Variants in MICB observed in about 807,000 individuals in gnomAD.
MICB encodes MHC class I antigen-related protein B.
MICB carries 27 observed loss-of-function variants against 34.3 expected under a neutral mutation model. The observed-to-expected ratio is 0.79, with a 90% CI of 0.58 to 1.08. The LOEUF (loss-of-function observed/expected upper bound fraction) is 1.08. Among genes scored for constraint, MICB ranks in the 50% least tolerant of loss-of-function variants. MICB has a pLI of 0.00. For synonymous variants in MICB, 153 were observed against 187.4 expected (o/e 0.82, Z 1.50); for missense variants, 426 against 483.1 (o/e 0.88, Z 1.11).
chr6:31,497,494 G>C (rs943641085), upstream of MICB, among the ~76,000 whole-genome samples: 8 of 152,100 alleles, frequency 5.3e-5, no homozygotes, highest in Non-Finnish European at 8.8e-5. Context: ...CAGACACTTA[G>C]AGGATATAAG....
intron 1 of MICB, among the ~76,000 whole-genome samples, chr6:31,503,704 G>A (rs750546995): frequency 2.6e-5 from 4 of 152,084 alleles, no homozygotes; most frequent in Non-Finnish European, 5.9e-5. Context: ...TCAGACAATG[G>A]ACACTTGGGT....
chr6:31,505,513 T>A (rs2150289074), intron 1 of MICB, 104 bp from the exon 2 acceptor site: 1 of 1,518,570 alleles, frequency 6.6e-7, no homozygotes, highest in Middle Eastern at 2.5e-4. Context: ...CCCATGCGCA[T>A]TTCCTGCCTC....
rs567810567 is a variant in MICB at position 31,509,674 on chromosome 6, AG to A, written c.1025-107del. On this transcript the variant is annotated intron_variant, in intron 5 of 5. Coordinates refer to ENST00000252229, the MANE Select transcript of MICB (RefSeq NM_005931.5). Reference sequence around the variant, plus strand: ...AAAAGTGGGGGCCTCATCTTCTCTCAGAGAAAGGGCGAATCTGATTTTGGGG... The same window carrying A: ...AAAAGTGGGGGCCTCATCTTCTCTCAAGAAAGGGCGAATCTGATTTTGGGG... 103 of 1,381,830 alleles carry A rather than the reference AG, an allele frequency of 7.5e-5. 1 individual carries two copies. In the African/African-American group the frequency reaches 8.4e-4, roughly 11 times the overall value. 85.6% of individuals were successfully genotyped at this position (1,381,830 alleles called of 1,614,324 possible). A position where few individuals can be genotyped will look rare whatever the true frequency, so the allele number is the denominator to read the frequency against.
upstream of MICB, chr6:31,494,972 TG>T: frequency 6.5e-6 from 1 of 154,384 alleles, no homozygotes; most frequent in Non-Finnish European, 1.4e-5. Context: ...GTCGCCTCTG[TG>T]CTCGTGAGTC....
chr6:31,497,631 G>A (rs1389619502), upstream of MICB, among the ~76,000 whole-genome samples: 1 of 152,204 alleles, frequency 6.6e-6, no homozygotes, highest in Admixed American at 6.5e-5. Flanking sequence ...GGCAGAGGCG[G>A]CTGAGATCTG....
chr6:31,498,706 A>G (rs1210586562), intron 1 of MICB: 2 of 154,572 alleles, frequency 1.3e-5, no homozygotes, highest in Admixed American at 1.3e-4. Context: ...TGACCTCGTG[A>G]TCCGCCCGCC....
intron 5 of MICB, among the ~76,000 whole-genome samples, chr6:31,508,197 A>C (rs1765461838): frequency 6.6e-6 from 1 of 152,136 alleles, no homozygotes; most frequent in Admixed American, 6.5e-5. Flanking sequence ...TGAGGGACAC[A>C]GTCCCCAGGC....
intron 1 of MICB, among the ~76,000 whole-genome samples, chr6:31,500,696 CGA>C (rs1436815178): frequency 6.6e-6 from 1 of 152,128 alleles, no homozygotes; most frequent in Non-Finnish European, 1.5e-5. Flanking sequence ...TGAGAACATG[CGA>C]AGTTTGTCTC....
intron 1 of MICB, among the ~76,000 whole-genome samples, chr6:31,501,825 A>G (rs1765033673): frequency 6.6e-6 from 1 of 152,050 alleles, no homozygotes; most frequent in African/African-American, 2.4e-5. Context: ...TGCTGTTTTG[A>G]TTACTCTAGC....
At position 31,510,859 on chromosome 6, in the gene MICB, T is replaced by G. The variant is rs186603314; in HGVS notation, c.*950T>G. 6.6e-6 allele frequency: 1 copy of G among 152,206 alleles called. No individual in the cohort carries two copies. The highest frequency in any genetic ancestry group is 2.4e-5 in the African/African-American group (1 of 41,422). 9.4% of individuals were successfully genotyped at this position (152,206 alleles called of 1,614,324 possible). On this transcript the variant is annotated 3_prime_UTR_variant, in exon 6 of 6. Coordinates refer to ENST00000252229, the MANE Select transcript of MICB (RefSeq NM_005931.5). ...CCGTGCCTGGCCTATTTTATTATAT[T>G]GTAATATATTTTATTATATTAGCCA...
chr6:31,498,347 T>A, intron 1 of MICB, 84 bp downstream of exon 1: 1 of 1,169,958 alleles, frequency 8.5e-7, no homozygotes, highest in South Asian at 1.4e-5. Context: ...GCGAGCGCTG[T>A]GCGGTCAGGG....
upstream of MICB, among the ~76,000 whole-genome samples, chr6:31,497,677 G>GC (rs1376912910): frequency 6.6e-6 from 1 of 152,218 alleles, no homozygotes; most frequent in Non-Finnish European, 1.5e-5. Flanking sequence ...TGGTCTCATT[G>GC]CAGTAACGCT....
At chr6:31,509,719 T>G in intron 5 of MICB, 63 bp from the exon 6 acceptor site, 1 of 1,486,578 alleles carries the variant, frequency 6.7e-7, no homozygotes, top group Non-Finnish European at 9.0e-7. Flanking sequence ...GAGAGAAAAG[T>G]CCTTAGGGAA....
chr6:31,504,152 A>G (rs1481808538), intron 1 of MICB, among the ~76,000 whole-genome samples: 4 of 150,646 alleles, frequency 2.7e-5, no homozygotes, highest in African/African-American at 9.8e-5. Context: ...TCTCCCCCAC[A>G]TAGCTTCTCA....
chr6:31,497,432 T>A (rs1323391886), upstream of MICB, among the ~76,000 whole-genome samples: 3 of 152,014 alleles, frequency 2.0e-5, no homozygotes, highest in African/African-American at 7.3e-5. Context: ...AGCCGCCTCG[T>A]TGGCCCTGTG....
At chr6:31,503,284 A>T (rs1166459848) in intron 1 of MICB, among the ~76,000 whole-genome samples, 1 of 152,220 alleles carries the variant, frequency 6.6e-6, no homozygotes, top group East Asian at 1.9e-4. Context: ...GTTTTTCAGA[A>T]CAATTTGAAT....
chr6:31,496,709 C>A (rs1357504910), upstream of MICB: 1 of 149,266 alleles, frequency 6.7e-6, no homozygotes, highest in Non-Finnish European at 1.5e-5. Context: ...TCAAGTGAAA[C>A]AGTGGGAGTG....
rs775873608 is a variant in MICB at position 31,498,241 on chromosome 6, T to G, written c.48T>G (p.Phe16Leu). The G allele has an allele frequency of 6.3e-7, 1 of 1,581,364 alleles. No individual in the cohort carries two copies. The highest frequency in any genetic ancestry group is 1.1e-5 in the South Asian group (1 of 89,354). The stretch of plus-strand genomic sequence containing the variant: ...TGTTTCTGGCCGTCGCCTTCCCTTT[T>G]GCACCCCCGGCAGCCGCCGCTGGTG... Reference protein sequence around the residue: ...VLLFLAVAFPFAPPAAAAEPH... With the variant: ...VLLFLAVAFPLAPPAAAAEPH... Residue 16 changes from phenylalanine to leucine, a missense_variant, in exon 1 of 6, where the codon TTT (phenylalanine) becomes TTG (leucine). Phe to Leu is a conservative substitution (Grantham distance 22, BLOSUM62 0). Transcript: ENST00000252229.
intron 1 of MICB, among the ~76,000 whole-genome samples, chr6:31,505,318 C>T (rs1184739511): frequency 6.6e-6 from 1 of 152,206 alleles, no homozygotes; most frequent in Non-Finnish European, 1.5e-5. Context: ...TCCTCCCTTG[C>T]CCCTGCAGGG....
Sources: gnomAD v4.1 joint callset for allele counts (sites outside exome capture counted in the v4.1 genomes callset) on GRCh38, gnomAD v4.1.1 for gene constraint, MANE v1.5 for transcripts, NCBI Gene and HGNC (gene_info 2026-07-23, HGNC 2026-07-21) for gene names.